GRID2: variants seen among roughly 807,000 people sequenced by gnomAD.
GRID2 encodes the protein glutamate ionotropic receptor delta type subunit 2.
GRID2 carries 33 observed loss-of-function variants against 114.8 expected under a neutral mutation model. The ratio of observed to expected loss-of-function variants is 0.29; its 90% confidence interval spans 0.22 to 0.38. The LOEUF is 0.38. GRID2 is among the 10% of genes least tolerant of loss of function. The pLI is 1.00. For missense variants in GRID2, 1,184 were observed against 1,257.7 expected, an observed-to-expected ratio of 0.94 and a Z score of 0.89; for synonymous variants, 505 against 449.9, an observed-to-expected ratio of 1.12 and a Z score of -1.55.
At chr4:92,861,487 T>C (rs1744530438) in intron 2 of GRID2, among the ~76,000 whole-genome samples, 1 of 152,062 alleles carries the variant, frequency 6.6e-6, no homozygotes. Flanking sequence ...TCTCATATGG[T>C]CCTCATTGAC....
intron 2 of GRID2, among the ~76,000 whole-genome samples, chr4:92,732,144 T>C (rs1039008703): frequency 6.6e-6 from 1 of 151,982 alleles, no homozygotes; most frequent in African/African-American, 2.4e-5. Context: ...CAACACCCCA[T>C]CCCATTCATT....
At chr4:93,377,883 A>G (rs1325343449) in intron 8 of GRID2, among the ~76,000 whole-genome samples, 5 of 152,198 alleles carry the variant, frequency 3.3e-5, no homozygotes, top group Non-Finnish European at 7.4e-5. Flanking sequence ...CTGATTGTGT[A>G]ATAAAAGAAT....
At chr4:92,844,705 C>CAAAAAAAAAAAA (rs35173293) in intron 2 of GRID2, among the ~76,000 whole-genome samples, 1 of 92,954 alleles carries the variant, frequency 1.1e-5, no homozygotes. Context: ...GACTCTGTCT[C>CAAAAAAAAAAAA]AAAAAAAAAA....
At position 92,499,301 on chromosome 4, in the gene GRID2, C is replaced by T. The variant is rs151112585; in HGVS notation, c.89-90830C>T. ...ATCCTGCCCTACCAAAACTTTGATT[C>T]TCCAGCAGTTTATATTTGATCTTTG... On this transcript the variant is annotated intron_variant, in intron 1 of 15. Transcript: ENST00000282020. 1.8e-4 allele frequency among the ~76,000 whole-genome samples: 27 copies of T among 152,176 alleles called. No individual in the cohort carries two copies. The East Asian group carries it at 5.0e-3, about 28-fold the overall frequency.
chr4:93,521,299 G>A (rs1296182556), intron 13 of GRID2, among the ~76,000 whole-genome samples: 7 of 152,138 alleles, frequency 4.6e-5, no homozygotes, highest in African/African-American at 1.4e-4. Context: ...AAGGCTGGAT[G>A]TGGTCACTGA....
chr4:93,456,087 G>A lies in GRID2; in HGVS notation c.1858+113G>A, dbSNP rs1275593900. On this transcript the variant is annotated intron_variant, in intron 11 of 15. Coordinates refer to ENST00000282020, the MANE Select transcript of GRID2 (RefSeq NM_001510.4). ...CTGACATCAATAAGTGTTCTAAAGGGTACTCACAGAAATGCTCAGAAAAGA... is the reference window on the plus strand; with the variant it reads ...CTGACATCAATAAGTGTTCTAAAGGATACTCACAGAAATGCTCAGAAAAGA... The A allele has an allele frequency of 1.7e-5, 11 of 666,298 alleles. No homozygotes were observed. In the South Asian group the frequency reaches 1.8e-4, roughly 11 times the overall value. 41.3% of individuals were successfully genotyped at this position (666,298 alleles called of 1,614,324 possible).
chr4:93,164,342 G>A (rs556559529), intron 4 of GRID2, among the ~76,000 whole-genome samples: 7 of 152,166 alleles, frequency 4.6e-5, no homozygotes, highest in Non-Finnish European at 8.8e-5. Context: ...GGGCTAAAGT[G>A]AGTAAGGATA....
chr4:92,611,955 A>G (rs1729769066), intron 2 of GRID2, among the ~76,000 whole-genome samples: 1 of 150,338 alleles, frequency 6.7e-6, no homozygotes, highest in Non-Finnish European at 1.5e-5. Context: ...TTTCCCCCCT[A>G]TTTTCTTAGT....
intron 2 of GRID2, among the ~76,000 whole-genome samples, chr4:92,920,707 G>T (rs369181589): frequency 4.6e-5 from 7 of 152,058 alleles, no homozygotes; most frequent in Non-Finnish European, 8.8e-5. Context: ...GAGTTTCTGC[G>T]GAGAGATCAG....
At chr4:93,136,223 C>T (rs1412892642) in intron 4 of GRID2, among the ~76,000 whole-genome samples, 2 of 141,956 alleles carry the variant, frequency 1.4e-5, no homozygotes, top group African/African-American at 5.4e-5. Flanking sequence ...TTAAAAATTC[C>T]AACAGTTATT....
At chr4:93,686,103 G>C (rs1217682894) in intron 14 of GRID2, among the ~76,000 whole-genome samples, 1 of 151,992 alleles carries the variant, frequency 6.6e-6, no homozygotes, top group Middle Eastern at 3.4e-3. Context: ...ATCTAAAAAT[G>C]AACTCTCTGT....
intron 11 of GRID2, among the ~76,000 whole-genome samples, chr4:93,469,395 G>A (rs866362996): frequency 2.0e-5 from 3 of 151,576 alleles, no homozygotes; most frequent in South Asian, 2.1e-4. Flanking sequence ...AATTAAATAA[G>A]GCTTTCTTTT....
intron 2 of GRID2, among the ~76,000 whole-genome samples, chr4:92,821,546 G>A (rs1196026670): frequency 6.6e-6 from 1 of 151,862 alleles, no homozygotes; most frequent in African/African-American, 2.4e-5. Context: ...TTAATACCCT[G>A]GAGTTACATA....
Position 93,167,509 on chromosome 4 carries a change from T to C in GRID2, c.736-39895T>C, listed in dbSNP as rs149726239. ...TTCCCTGAATGTGCTTAAATTTGGG[T>C]AGGCTCCTTTTTTGAAAATAGATAT... On this transcript the variant is annotated intron_variant, in intron 4 of 15. Coordinates refer to ENST00000282020, the MANE Select transcript of GRID2 (RefSeq NM_001510.4). Among the ~76,000 whole-genome samples, 819 of 152,248 alleles carry C rather than the reference T, an allele frequency of 5.4e-3. 10 individuals are homozygous for C. The highest frequency in any genetic ancestry group is 0.019 in the African/African-American group (784 of 41,540).
At chr4:93,790,435 T>C (rs952569581) in intron 1 of GRID2, among the ~76,000 whole-genome samples, 6 of 152,078 alleles carry the variant, frequency 3.9e-5, no homozygotes, top group Non-Finnish European at 7.4e-5. Flanking sequence ...TTTCCAGAAG[T>C]TCACTTCCAA....
intron 3 of GRID2, among the ~76,000 whole-genome samples, chr4:93,095,574 T>C (rs1198993532): frequency 6.6e-6 from 1 of 152,018 alleles, no homozygotes; most frequent in Non-Finnish European, 1.5e-5. Context: ...AATCTAAAAC[T>C]TATAATTTAA....
At chr4:92,608,025 G>T (rs1314973162) in intron 2 of GRID2, among the ~76,000 whole-genome samples, 1 of 151,878 alleles carries the variant, frequency 6.6e-6, no homozygotes, top group Non-Finnish European at 1.5e-5. Context: ...AAAGTAGTAA[G>T]CTCTGCTTTC....
intron 8 of GRID2, among the ~76,000 whole-genome samples, chr4:93,261,226 A>G (rs959331838): frequency 2.0e-5 from 3 of 151,942 alleles, no homozygotes; most frequent in Non-Finnish European, 4.4e-5. Flanking sequence ...GAGCTCAAAA[A>G]TCTGTGTTTT....
In GRID2 at chr4:93,395,676, C is replaced by T. The variant is rs200889267; in HGVS notation, c.1315C>T (p.Arg439Cys). Reference sequence around the variant, plus strand: ...TGACAAGAAATTGGAGAATAACATGCGTGGAGTGGTTCTACGTGTAGTAAC... The same window carrying T: ...TGACAAGAAATTGGAGAATAACATGTGTGGAGTGGTTCTACGTGTAGTAAC... ...LTDKKLENNMRGVVLRVVTVL... is the reference protein window; with the variant it reads ...LTDKKLENNMCGVVLRVVTVL... The change falls in exon 9 of 16, where the codon CGT (arginine) becomes TGT (cysteine). Residue 439 changes from arginine to cysteine, a missense_variant. Arg to Cys is a radical substitution (Grantham distance 180). Around this residue, in one of 3 missense-constraint regions of GRID2, gnomAD observed 717 missense variants for 796.9 expected, o/e 0.90. Transcript: ENST00000282020. 2 of 1,570,154 alleles carry T rather than the reference C, an allele frequency of 1.3e-6. No homozygotes were observed. Among genetic ancestry groups the T allele is most frequent in the South Asian group, 1.1e-5 (1 of 90,146 alleles).
Sources: gnomAD v4.1 joint callset for allele counts (sites outside exome capture counted in the v4.1 genomes callset) on GRCh38, gnomAD v4.1.1 for gene constraint, gnomAD v4.1.1 regional missense constraint, MANE v1.5 for transcripts, NCBI Gene and HGNC (gene_info 2026-07-23, HGNC 2026-07-21) for gene names.